MAPRE3: variants seen among roughly 807,000 people sequenced by gnomAD.
MAPRE3 encodes the protein microtubule associated protein RP/EB family member 3.
Under a neutral mutation model 30.5 loss-of-function variants are expected in MAPRE3, and 2 were observed. That is an observed-to-expected ratio of 0.07 (90% CI 0.03 to 0.21). MAPRE3 has a LOEUF of 0.21. Ranked by LOEUF, MAPRE3 falls within the 10% of genes least tolerant of loss-of-function variation. The pLI, the probability that MAPRE3 is intolerant of heterozygous loss-of-function variation, is 1.00. For synonymous variants in MAPRE3, 110 were observed against 127.7 expected, an observed-to-expected ratio of 0.86 and a Z score of 0.93; for missense variants, 204 against 351.8, an observed-to-expected ratio of 0.58 and a Z score of 3.36.
In MAPRE3 at chr2:26,985,703, A is replaced by G. The variant is rs75310802; in HGVS notation, c.-8+14901A>G. Among the ~76,000 whole-genome samples, 3,331 of 152,370 alleles carry G rather than the reference A, an allele frequency of 0.022. 150 individuals are homozygous for G. Among genetic ancestry groups the G allele is most frequent in the African/African-American group, 0.077 (3,197 of 41,580 alleles). On this transcript the variant is annotated intron_variant, in intron 1 of 6. Coordinates refer to ENST00000233121, the MANE Select transcript of MAPRE3 (RefSeq NM_012326.4). The surrounding 1 kb of genome is among the most constrained non-coding windows in gnomAD (Gnocchi z 4.2). The stretch of plus-strand genomic sequence containing the variant: ...AGGACAAAAGAATAGGTATTACCTT[A>G]TATGGCAATAAGTGTTAATTAAGTT...
intron 4 of MAPRE3, among the ~76,000 whole-genome samples, 192 bp from the exon 5 acceptor site, chr2:27,025,390 GC>G (rs1384749807): frequency 6.6e-6 from 1 of 152,206 alleles, no homozygotes; most frequent in Non-Finnish European, 1.5e-5. Flanking sequence ...CCAAAGGGCT[GC>G]CCAGCTGCTG....
At chr2:27,025,067 C>G (rs1363403492) in intron 4 of MAPRE3, among the ~76,000 whole-genome samples, 1 of 152,150 alleles carries the variant, frequency 6.6e-6, no homozygotes, top group Admixed American at 6.5e-5. Context: ...AGCTGGGGTC[C>G]CTGATTTGGC....
intron 1 of MAPRE3, among the ~76,000 whole-genome samples, chr2:26,973,965 G>A (rs1364228934): frequency 6.6e-6 from 1 of 152,224 alleles, no homozygotes; most frequent in Non-Finnish European, 1.5e-5. Flanking sequence ...AGCACTGGAG[G>A]TGACCCCAGA....
chr2:26,974,302 T>G (rs1013251380), intron 1 of MAPRE3, among the ~76,000 whole-genome samples: 1 of 152,240 alleles, frequency 6.6e-6, no homozygotes, highest in Non-Finnish European at 1.5e-5. Flanking sequence ...CCAGGCAAAA[T>G]TTTGTGTCAA....
At chr2:26,972,860 G>A (rs1176578813) in intron 1 of MAPRE3, among the ~76,000 whole-genome samples, 1 of 152,180 alleles carries the variant, frequency 6.6e-6, no homozygotes, top group Admixed American at 6.5e-5. Flanking sequence ...ATCCATACCA[G>A]TGTTTTATGA....
intron 1 of MAPRE3, among the ~76,000 whole-genome samples, chr2:27,020,113 A>C (rs1032271206): frequency 3.9e-5 from 6 of 152,166 alleles, no homozygotes; most frequent in Non-Finnish European, 7.3e-5. Context: ...ACAGAGAATG[A>C]ATGAACTTTG....
intron 1 of MAPRE3, chr2:26,997,003 T>C (rs914516958): frequency 2.0e-5 from 3 of 152,192 alleles, no homozygotes; most frequent in African/African-American, 7.2e-5. Flanking sequence ...TTTTATTCTA[T>C]TTTGAACTAG....
At chr2:26,992,374 GCACCAC>G (rs1248551366) in intron 1 of MAPRE3, among the ~76,000 whole-genome samples, 2 of 145,514 alleles carry the variant, frequency 1.4e-5, no homozygotes, top group East Asian at 4.2e-4. Flanking sequence ...TTACAGGCAT[GCACCAC>G]CACGCCTGGC....
At position 26,985,591 on chromosome 2, in the gene MAPRE3, TA is replaced by T; in HGVS notation, c.-8+14791del. On this transcript the variant is annotated intron_variant, in intron 1 of 6. Transcript: ENST00000233121. This position sits in a 1 kb window ranked among gnomAD's most constrained non-coding sequence, Gnocchi z 4.2. ...TAGGAAGTCCCAGTGAGAGGAGACC[TA>T]ATCAGCCAGGTATTCATTTCTTACT... Among the ~76,000 whole-genome samples the T allele has an allele frequency of 6.6e-6, 1 of 152,236 alleles. No individual in the cohort carries two copies. The highest frequency in any genetic ancestry group is 2.4e-5 in the African/African-American group (1 of 41,464).
At chr2:27,009,309 TAG>T (rs1666799381) in intron 1 of MAPRE3, among the ~76,000 whole-genome samples, 1 of 152,184 alleles carries the variant, frequency 6.6e-6, no homozygotes, top group Non-Finnish European at 1.5e-5. Flanking sequence ...GCTGGATGAG[TAG>T]ACATGAAATA....
intron 1 of MAPRE3, among the ~76,000 whole-genome samples, chr2:26,997,915 A>G (rs1558377802): frequency 2.0e-5 from 3 of 152,230 alleles, no homozygotes; most frequent in African/African-American, 7.2e-5. Context: ...AATCTCAGCT[A>G]GTCCAGCCTT....
intron 3 of MAPRE3, 54 bp from the exon 4 acceptor site, chr2:27,024,042 G>GCGGT: frequency 7.1e-7 from 1 of 1,410,852 alleles, no homozygotes; most frequent in Non-Finnish European, 1.0e-6. Context: ...GCAGAGGAAG[G>GCGGT]CGGTCCTACA....
chr2:27,021,907 C>T (rs2148227870), intron 1 of MAPRE3, among the ~76,000 whole-genome samples: 1 of 152,338 alleles, frequency 6.6e-6, no homozygotes, highest in Non-Finnish European at 1.5e-5. Flanking sequence ...TGTCCCTGAA[C>T]ATTTATGTGC....
intron 1 of MAPRE3, among the ~76,000 whole-genome samples, chr2:27,007,801 A>G (rs1406486175): frequency 6.6e-6 from 1 of 152,252 alleles, no homozygotes; most frequent in Non-Finnish European, 1.5e-5. Flanking sequence ...AGTAAAATAC[A>G]TATCTACAAC....
chr2:27,012,349 T>C (rs190250253), intron 1 of MAPRE3: 6 of 152,350 alleles, frequency 3.9e-5, no homozygotes, highest in Admixed American at 1.3e-4. Flanking sequence ...AGTGTGGTGG[T>C]GTGGAAAGAG....
At chr2:26,995,221 G>A (rs1287873471) in intron 1 of MAPRE3, among the ~76,000 whole-genome samples, 1 of 152,114 alleles carries the variant, frequency 6.6e-6, no homozygotes, top group Non-Finnish European at 1.5e-5. Flanking sequence ...TGACCAAAAG[G>A]GAGGCTCTAG....
In MAPRE3 at chr2:27,006,205, CAA is replaced by C. The variant is rs534627886; in HGVS notation, c.-7-15998_-7-15997del. Among the ~76,000 whole-genome samples the C allele has an allele frequency of 7.8e-3, 1,155 of 148,684 alleles. 8 individuals carry two copies. The highest frequency in any genetic ancestry group is 0.012 in the Non-Finnish European group (802 of 66,858). ...TCAAAAATAAAAACAAAAACAAAAA[CAA>C]AAAAAAAACAAGTGTGTGGAAGCCA... On this transcript the variant is annotated intron_variant, in intron 1 of 6. Transcript: ENST00000233121.
rs1667184852 is a variant in MAPRE3, at chr2:27,024,361, A to G, written c.469+64A>G. 32 of 1,484,756 alleles carry G rather than the reference A, an allele frequency of 2.2e-5. No homozygotes were observed. In the South Asian group the frequency reaches 3.4e-4, roughly 16 times the overall value. The allele number at this position is 1,484,756 out of a possible 1,614,324, so 92.0% of individuals were successfully genotyped here. ...GGGCCGGCAGGCCTCTATAGCCAGG[A>G]GTGCCCCCTGGGCCACGGCCCGGCC... On this transcript the variant is annotated intron_variant, in intron 4 of 6. Transcript: ENST00000233121.
chr2:26,982,563 G>A (rs1053133108), intron 1 of MAPRE3, among the ~76,000 whole-genome samples: 1 of 152,220 alleles, frequency 6.6e-6, no homozygotes, highest in Non-Finnish European at 1.5e-5. Flanking sequence ...AGGTGGGGCA[G>A]GAGCAAAAGT....
Sources: allele counts gnomAD v4.1 joint callset (sites outside exome capture counted in the v4.1 genomes callset), GRCh38; gene constraint gnomAD v4.1.1; non-coding constraint Gnocchi (gnomAD v3.1); transcripts MANE v1.5; gene names NCBI Gene and HGNC (gene_info 2026-07-23, HGNC 2026-07-21).